The following TNFRSF10C variants were observed in gnomAD, a reference collection of about 807,000 sequenced individuals.
TNFRSF10C encodes the protein tumor necrosis factor receptor superfamily member 10C.
TNFRSF10C carries 17 observed loss-of-function variants against 16.7 expected under a neutral mutation model. That is an observed-to-expected ratio of 1.02 (90% confidence interval 0.70 to 1.53). The LOEUF is 1.53. Among genes scored for constraint, TNFRSF10C ranks in the 40% most tolerant of loss-of-function variants. The pLI, the probability that TNFRSF10C is intolerant of heterozygous loss-of-function variation, is 0.00. For missense variants in TNFRSF10C, 237 were observed against 329.7 expected (o/e 0.72, Z 2.18); for synonymous variants, 73 against 119.7 (o/e 0.61, Z 2.55).
At chr8:23,113,129 T>A (rs997352476) in intron 2 of TNFRSF10C, among the ~76,000 whole-genome samples, 1 of 152,232 alleles carries the variant, frequency 6.6e-6, no homozygotes, top group African/African-American at 2.4e-5. Context: ...CCCACGCCCA[T>A]GTATCCATTT....
intron 1 of TNFRSF10C, 142 bp from the exon 2 acceptor site, chr8:23,111,578 T>G: frequency 7.3e-6 from 5 of 685,542 alleles, no homozygotes; most frequent in Non-Finnish European, 1.3e-5. Flanking sequence ...AACACAGGTA[T>G]GAAAGAATGA....
At position 23,111,773 on chromosome 8, in the gene TNFRSF10C, A is replaced by G; in HGVS notation, c.114A>G (p.Thr38=). ...TARQEEVPQQ[T]VAPQQQRHSF... is the part of the protein sequence containing the mutation. Reference sequence around the variant, plus strand: ...GGCAGGAGGAAGTTCCCCAGCAGACAGTGGCCCCACAGCAACAGAGGCACA... The same window carrying G: ...GGCAGGAGGAAGTTCCCCAGCAGACGGTGGCCCCACAGCAACAGAGGCACA... The change falls in exon 2 of 5, where the codon ACA becomes ACG. Residue 38 remains threonine (T), a synonymous_variant. Transcript: ENST00000356864. The G allele has an allele frequency of 6.2e-7, 1 of 1,614,170 alleles. No individual in the cohort carries two copies.
At chr8:23,115,214 C>T (rs904215831) in intron 3 of TNFRSF10C, among the ~76,000 whole-genome samples, 1 of 152,236 alleles carries the variant, frequency 6.6e-6, no homozygotes, top group East Asian at 1.9e-4. Context: ...TGCAGAGTCT[C>T]TCAGGTGATG....
chr8:23,114,744 G>T lies in TNFRSF10C; in HGVS notation c.254G>T (p.Cys85Phe). The T allele has an allele frequency of 6.2e-7, 1 of 1,614,018 alleles. No individual in the cohort carries two copies. Among genetic ancestry groups the T allele is most frequent in the Non-Finnish European group, 8.5e-7 (1 of 1,179,914 alleles). Residue 85 changes from cysteine (C) to phenylalanine (F), a missense_variant, in exon 3 of 5, where the codon TGC becomes TTC. Coordinates refer to ENST00000356864, the MANE Select transcript of TNFRSF10C (RefSeq NM_003841.5). ...AACGCTTCCAACAATGAACCTTCTT[G>T]CTTCCCATGTACAGTTTGTAAATCA... is the stretch of plus-strand genomic sequence containing the variant. ...YTNASNNEPS[C>F]FPCTVCKSDQ...
At position 23,117,018 on chromosome 8, in the gene TNFRSF10C, T is replaced by C. The variant is rs1269448101; in HGVS notation, c.767T>C (p.Ile256Thr). Residue 256 changes from isoleucine to threonine, a missense_variant, in exon 5 of 5, where the codon ATT becomes ACT. Physicochemically the swap from Ile to Thr is moderately conservative, Grantham distance 89. Coordinates refer to ENST00000356864, the MANE Select transcript of TNFRSF10C (RefSeq NM_003841.5). ...VGIIVLIVLL[I>T]VFV ...ATCATAGTTCTAATTGTGCTTCTGA[T>C]TGTGTTTGTTTGAAAGACTTCACTG... The C allele has an allele frequency of 1.2e-6, 2 of 1,613,568 alleles. No individual in the cohort carries two copies. Among genetic ancestry groups the C allele is most frequent in the East Asian group, 2.2e-5 (1 of 44,876 alleles).
chr8:23,112,981 C>A (rs1339238790), intron 2 of TNFRSF10C, among the ~76,000 whole-genome samples: 1 of 151,780 alleles, frequency 6.6e-6, no homozygotes, highest in Non-Finnish European at 1.5e-5. Context: ...ACACTTGTTA[C>A]CTTTTGTCTT....
intron 1 of TNFRSF10C, among the ~76,000 whole-genome samples, chr8:23,107,155 C>A (rs972828541): frequency 1.3e-5 from 2 of 152,016 alleles, no homozygotes; most frequent in Admixed American, 1.3e-4. Context: ...CCAGCCAGGG[C>A]AACATAGCAA....
At position 23,117,227 on chromosome 8, in the gene TNFRSF10C, A is replaced by C; in HGVS notation, c.*196A>C. On this transcript the variant is annotated 3_prime_UTR_variant, in exon 5 of 5. Coordinates refer to ENST00000356864, the MANE Select transcript of TNFRSF10C (RefSeq NM_003841.5). ...TCCTCCTTGTGATCGTCCCATCCCCACATCCCGTGCACCCCCCAGGACCCT... is the reference window on the plus strand; with the variant it reads ...TCCTCCTTGTGATCGTCCCATCCCCCCATCCCGTGCACCCCCCAGGACCCT... 1 of 819,120 alleles carries C rather than the reference A, an allele frequency of 1.2e-6. No individual in the cohort carries two copies. Among genetic ancestry groups the C allele is most frequent in the Non-Finnish European group, 1.9e-6 (1 of 534,982 alleles). The allele number at this position is 819,120 out of a possible 1,614,324, so 50.7% of individuals were successfully genotyped here. A position where few individuals can be genotyped will look rare whatever the true frequency, so the allele number is the denominator to read the frequency against.
At chr8:23,115,745 G>A in intron 4 of TNFRSF10C, 129 bp downstream of exon 4, 1 of 644,574 alleles carries the variant, frequency 1.6e-6, no homozygotes, top group Non-Finnish European at 2.6e-6. Flanking sequence ...AGCCTGTGGG[G>A]TCTCTTGGGT....
chr8:23,107,979 T>C (rs933029146), intron 1 of TNFRSF10C, among the ~76,000 whole-genome samples: 2 of 152,166 alleles, frequency 1.3e-5, no homozygotes, highest in Admixed American at 6.5e-5. Context: ...TTGATTTTGT[T>C]AGCGGTGGAT....
Position 23,103,024 on chromosome 8 carries a change from T to C in TNFRSF10C, c.-98T>C. ...GAGATGCAAGGGGTGAAGGAGCGCTTCCTACCGTTAGGGAACTCTGGGGAC... is the reference window on the plus strand; with the variant it reads ...GAGATGCAAGGGGTGAAGGAGCGCTCCCTACCGTTAGGGAACTCTGGGGAC... On this transcript the variant is annotated 5_prime_UTR_variant, in exon 1 of 5. Transcript: ENST00000356864. 6.4e-7 allele frequency: 1 copy of C among 1,558,566 alleles called. No homozygotes were observed. Among genetic ancestry groups the C allele is most frequent in the Non-Finnish European group, 8.7e-7 (1 of 1,150,966 alleles).
chr8:23,110,907 T>C lies in TNFRSF10C; in HGVS notation c.61-813T>C, dbSNP rs142274840. 3.6e-3 allele frequency among the ~76,000 whole-genome samples: 551 copies of C among 152,364 alleles called. 3 individuals are homozygous for C. Among genetic ancestry groups the C allele is most frequent in the African/African-American group, 0.013 (538 of 41,582 alleles). ...AAATATATTAAATGCTATTTCTGCA[T>C]GAAGGGCTCATATGTGTGTGGTTTT... On this transcript the variant is annotated intron_variant, in intron 1 of 4. Transcript: ENST00000356864.
intron 1 of TNFRSF10C, among the ~76,000 whole-genome samples, chr8:23,109,090 G>A (rs1813830869): frequency 1.3e-5 from 2 of 152,140 alleles, no homozygotes; most frequent in African/African-American, 2.4e-5. Flanking sequence ...AGTGCTCAGG[G>A]TGAAATATAC....
At chr8:23,103,316 C>G in intron 1 of TNFRSF10C, 135 bp downstream of exon 1, 2 of 1,468,622 alleles carry the variant, frequency 1.4e-6, no homozygotes, top group Non-Finnish European at 1.8e-6. Flanking sequence ...ACGAACTCGC[C>G]GTCGGAGTCA....
intron 1 of TNFRSF10C, among the ~76,000 whole-genome samples, chr8:23,108,736 A>C (rs934745966): frequency 6.6e-6 from 1 of 152,230 alleles, no homozygotes; most frequent in Non-Finnish European, 1.5e-5. Context: ...AAATGCCAGT[A>C]AAGTGGCAAG....
chr8:23,105,785 G>A (rs567735348), intron 1 of TNFRSF10C, among the ~76,000 whole-genome samples: 6 of 152,312 alleles, frequency 3.9e-5, no homozygotes, highest in African/African-American at 7.2e-5. Flanking sequence ...AGCCTCTGCC[G>A]TTGGGCAGCT....
chr8:23,106,848 G>A (rs1003689651), intron 1 of TNFRSF10C, among the ~76,000 whole-genome samples: 1 of 151,932 alleles, frequency 6.6e-6, no homozygotes, highest in Non-Finnish European at 1.5e-5. Context: ...TTAGCGGAGT[G>A]TGGTGGCGGG....
chr8:23,111,633 C>A, intron 1 of TNFRSF10C, 87 bp from the exon 2 acceptor site: 1 of 1,032,312 alleles, frequency 9.7e-7, no homozygotes, highest in South Asian at 1.3e-5. Context: ...TGGGTTTTGT[C>A]ACTTGGGGTG....
chr8:23,114,807 C>T (rs748176331), intron 3 of TNFRSF10C, 37 bp downstream of exon 3: 3 of 1,578,890 alleles, frequency 1.9e-6, no homozygotes, highest in South Asian at 1.1e-5. Flanking sequence ...AGAGGTGGAG[C>T]GTGGGGCAAT....
Sources: allele counts gnomAD v4.1 joint callset (sites outside exome capture counted in the v4.1 genomes callset), GRCh38; gene constraint gnomAD v4.1.1; transcripts MANE v1.5; gene names NCBI Gene and HGNC (gene_info 2026-07-23, HGNC 2026-07-21).